The following LRRTM4 variants were observed in gnomAD, a reference collection of about 807,000 sequenced individuals.
LRRTM4 encodes leucine-rich repeat transmembrane neuronal protein 4.
A neutral mutation model predicts 47.6 loss-of-function variants in LRRTM4; 25 were observed. The ratio of observed to expected loss-of-function variants is 0.53; its 90% CI spans 0.38 to 0.73. The LOEUF (loss-of-function observed/expected upper bound fraction) is 0.73. Ranked by LOEUF, LRRTM4 falls within the 30% of genes least tolerant of loss-of-function variation. The probability of loss-of-function intolerance (pLI) is 0.00; values close to 1 mark genes in which losing one functional copy is unlikely to be tolerated. For synonymous variants in LRRTM4, 311 were observed against 269.5 expected (o/e 1.15, Z -1.51); for missense variants, 638 against 713.4 (o/e 0.89, Z 1.20).
Position 76,801,665 on chromosome 2 carries a change from A to T in LRRTM4, c.1552-52749T>A, listed in dbSNP as rs78028722. ...TGTACCCTAAAACTTAAAGTATAAT[A>T]AAAAAAAAAGAAAAGTACAGGTTAA... is the stretch of plus-strand genomic sequence containing the variant. On this transcript the variant is annotated intron_variant, in intron 3 of 3. Coordinates refer to ENST00000409884, the MANE Select transcript of LRRTM4 (RefSeq NM_001134745.3). Among the ~76,000 whole-genome samples, 352 of 145,844 alleles carry T rather than the reference A, an allele frequency of 2.4e-3. 5 individuals are homozygous for T. Among genetic ancestry groups the T allele is most frequent in the African/African-American group, 8.9e-3 (335 of 37,826 alleles).
At chr2:77,038,285 G>T (rs916070393) in intron 3 of LRRTM4, among the ~76,000 whole-genome samples, 2 of 151,456 alleles carry the variant, frequency 1.3e-5, no homozygotes, top group African/African-American at 4.8e-5. Context: ...TTTGAAATTT[G>T]CCTAATAGAT....
intron 3 of LRRTM4, among the ~76,000 whole-genome samples, chr2:77,228,077 G>C (rs1271946209): frequency 6.6e-6 from 1 of 151,992 alleles, no homozygotes; most frequent in Non-Finnish European, 1.5e-5. Flanking sequence ...TTTTGAAACA[G>C]GACACAATTA....
chr2:77,058,238 G>T (rs886097672), intron 3 of LRRTM4, among the ~76,000 whole-genome samples: 2 of 152,166 alleles, frequency 1.3e-5, no homozygotes, highest in East Asian at 3.9e-4. Flanking sequence ...TAGTTAGTGG[G>T]TATTTTTTTA....
intron 3 of LRRTM4, among the ~76,000 whole-genome samples, chr2:77,391,962 T>G (rs1673522254): frequency 6.6e-6 from 1 of 152,000 alleles, no homozygotes; most frequent in Non-Finnish European, 1.5e-5. Context: ...TCAAAGTATT[T>G]TACCCCATAA....
At chr2:77,094,774 A>C (rs1395275824) in intron 3 of LRRTM4, among the ~76,000 whole-genome samples, 1 of 152,204 alleles carries the variant, frequency 6.6e-6, no homozygotes, top group Non-Finnish European at 1.5e-5. Context: ...CATATACAAA[A>C]ATCAACTCAA....
intron 3 of LRRTM4, among the ~76,000 whole-genome samples, chr2:76,922,841 A>G (rs182069533): frequency 1.3e-5 from 2 of 152,262 alleles, no homozygotes; most frequent in African/African-American, 2.4e-5. Context: ...AGCCAGCAGG[A>G]AAACAAAGCA....
At chr2:77,222,910 A>G (rs867213086) in intron 3 of LRRTM4, among the ~76,000 whole-genome samples, 2 of 152,190 alleles carry the variant, frequency 1.3e-5, no homozygotes, top group South Asian at 4.1e-4. Context: ...ATAAAAAACG[A>G]GAATTTTAGA....
intron 3 of LRRTM4, among the ~76,000 whole-genome samples, chr2:76,816,836 TTTTTTTTTTTTTTTTTTTTTTTTTTTG>T: frequency 2.7e-5 from 1 of 37,396 alleles, no homozygotes; most frequent in East Asian, 2.7e-3. Context: ...TTTTTTTTTT[TTTTTTTTTTTTTTTTTTTTTTTTTTTG>T]GTGCTTAAGA....
chr2:76,849,281 T>C (rs963384256), intron 3 of LRRTM4, among the ~76,000 whole-genome samples: 3 of 152,094 alleles, frequency 2.0e-5, no homozygotes, highest in African/African-American at 7.2e-5. Flanking sequence ...TCTGTTTTTG[T>C]GCTCAAGAAA....
chr2:77,340,249 AC>A (rs1308020458), intron 3 of LRRTM4, among the ~76,000 whole-genome samples: 1 of 151,882 alleles, frequency 6.6e-6, no homozygotes, highest in Non-Finnish European at 1.5e-5. Flanking sequence ...GTGGTTGAGA[AC>A]CTGGCTTAAG....
chr2:77,049,020 T>A (rs1679326042), intron 3 of LRRTM4, among the ~76,000 whole-genome samples: 1 of 150,750 alleles, frequency 6.6e-6, no homozygotes, highest in Non-Finnish European at 1.5e-5. Flanking sequence ...AATACAATAT[T>A]CATCTTTCTG....
At chr2:76,994,606 T>A (rs771974530) in intron 3 of LRRTM4, among the ~76,000 whole-genome samples, 2 of 152,074 alleles carry the variant, frequency 1.3e-5, no homozygotes, top group South Asian at 2.1e-4. Flanking sequence ...AAATTTCAAA[T>A]CCTGCATCAT....
At chr2:76,756,980 TAATA>T (rs1038665740) in intron 3 of LRRTM4, among the ~76,000 whole-genome samples, 33 of 152,138 alleles carry the variant, frequency 2.2e-4, no homozygotes, top group African/African-American at 6.3e-4. Context: ...ATGGAATAAA[TAATA>T]AATCTAAAAA....
intron 3 of LRRTM4, among the ~76,000 whole-genome samples, chr2:77,243,091 A>G (rs1675314652): frequency 6.6e-6 from 1 of 152,228 alleles, no homozygotes; most frequent in African/African-American, 2.4e-5. Flanking sequence ...TGAGGAAATT[A>G]TGGTAAGTGA....
At chr2:77,448,515 T>G (rs1031322583) in intron 3 of LRRTM4, among the ~76,000 whole-genome samples, 1 of 152,238 alleles carries the variant, frequency 6.6e-6, no homozygotes, top group Non-Finnish European at 1.5e-5. Flanking sequence ...TTCATTCATC[T>G]CTGCAGTCTG....
At chr2:76,778,941 A>C (rs1674190170) in intron 3 of LRRTM4, among the ~76,000 whole-genome samples, 1 of 151,340 alleles carries the variant, frequency 6.6e-6, no homozygotes, top group African/African-American at 2.4e-5. Context: ...AATGCATCCC[A>C]GAGATTCTGG....
At chr2:77,384,353 A>G (rs955561211) in intron 3 of LRRTM4, among the ~76,000 whole-genome samples, 1 of 151,936 alleles carries the variant, frequency 6.6e-6, no homozygotes. Context: ...ATGTTATCCA[A>G]GTTATTTGAC....
chr2:77,312,465 C>T (rs146473917), intron 3 of LRRTM4, among the ~76,000 whole-genome samples: 89 of 152,232 alleles, frequency 5.8e-4, no homozygotes, highest in African/African-American at 1.6e-3. Flanking sequence ...TTACTTTGAA[C>T]TTCAACTTAA....
intron 3 of LRRTM4, among the ~76,000 whole-genome samples, chr2:77,414,924 T>TC (rs1674580624): frequency 6.6e-6 from 1 of 152,212 alleles, no homozygotes. Context: ...GCCTTTTTTT[T>TC]CATTGCTTTT....
Sources: gnomAD v4.1 joint callset for allele counts (sites outside exome capture counted in the v4.1 genomes callset) on GRCh38, gnomAD v4.1.1 for gene constraint, MANE v1.5 for transcripts, NCBI Gene and HGNC (gene_info 2026-07-23, HGNC 2026-07-21) for gene names.